The following PYM1 variants were observed in gnomAD, a reference collection of about 807,000 sequenced individuals.
The protein encoded by PYM1 is PYM1 exon junction complex associated factor, also known as partner of Y14 and mago.
Under a neutral mutation model 20.7 loss-of-function variants are expected in PYM1, and 7 were observed. The observed-to-expected ratio is 0.34, with a 90% CI of 0.19 to 0.64. The LOEUF (loss-of-function observed/expected upper bound fraction) is 0.64, where lower values mean the gene tolerates loss of function less well. Among genes scored for constraint, PYM1 ranks in the 30% least tolerant of loss-of-function variants. The probability of loss-of-function intolerance (pLI) is 0.74; values close to 1 mark genes in which losing one functional copy is unlikely to be tolerated. For missense variants in PYM1, 194 were observed against 250.0 expected, an observed-to-expected ratio of 0.78 and a Z score of 1.51; for synonymous variants, 100 against 99.2, an observed-to-expected ratio of 1.01 and a Z score of -0.05.
intron 1 of PYM1, among the ~76,000 whole-genome samples, chr12:55,919,744 C>CA (rs1883066682): frequency 6.6e-6 from 1 of 151,582 alleles, no homozygotes; most frequent in South Asian, 2.1e-4. Context: ...ACTAAAAATA[C>CA]AAAAAAATAG....
chr12:55,917,021 G>T (rs1883019614), intron 1 of PYM1, among the ~76,000 whole-genome samples: 1 of 151,956 alleles, frequency 6.6e-6, no homozygotes, highest in South Asian at 2.1e-4. Context: ...AGGATCACTT[G>T]AACCCAGGAG....
At chr12:55,906,751 T>C (rs6581087) in intron 1 of PYM1, among the ~76,000 whole-genome samples, 127,943 of 151,970 alleles carry the variant, frequency 0.84, 54,182 homozygotes, top group African/African-American at 0.93. Context: ...CAGATTCAAG[T>C]GATTCTCCTG....
At chr12:55,921,968 CCT>C (rs1253623935) in intron 1 of PYM1, among the ~76,000 whole-genome samples, 2 of 152,104 alleles carry the variant, frequency 1.3e-5, no homozygotes, top group Non-Finnish European at 2.9e-5. Context: ...CCTCAGCCTC[CCT>C]GGCTCAATCT....
At chr12:55,914,307 G>A (rs1882970560) in intron 1 of PYM1, 1 of 702,300 alleles carries the variant, frequency 1.4e-6, no homozygotes, top group East Asian at 2.7e-5. Context: ...CCATCCTCTG[G>A]CCTTGATGGT....
chr12:55,921,964 C>A (rs879424009), intron 1 of PYM1, among the ~76,000 whole-genome samples: 4 of 152,090 alleles, frequency 2.6e-5, no homozygotes, highest in Admixed American at 6.6e-5. Context: ...GCAGCCTCAG[C>A]CTCCCTGGCT....
Position 55,901,974 on chromosome 12 carries a change from G to C in PYM1, c.513C>G (p.Ile171Met), listed in dbSNP as rs747363540. ...TAGGCTGGCTGACTTCCCCAGCCTG[G>C]ATCCGCTGCTGCAGCTCTTCCACCT... ...LRQVEELQQR[I>M]QAGEVSQPSK... is the part of the protein sequence containing the mutation. Residue 171 changes from isoleucine to methionine, a missense_variant, in exon 3 of 3, where the codon ATC becomes ATG. Coordinates refer to ENST00000408946, the MANE Select transcript of PYM1 (RefSeq NM_032345.3). The C allele has an allele frequency of 4.3e-6, 7 of 1,614,056 alleles. No homozygotes were observed. In the South Asian group the frequency reaches 4.4e-5, roughly 10 times the overall value.
At chr12:55,921,851 A>G (rs1183717340) in intron 1 of PYM1, among the ~76,000 whole-genome samples, 1 of 152,178 alleles carries the variant, frequency 6.6e-6, no homozygotes. Flanking sequence ...GAAAAGAAAA[A>G]AATCTCCTGG....
At chr12:55,912,298 A>G (rs1420979935) in intron 1 of PYM1, among the ~76,000 whole-genome samples, 1 of 151,480 alleles carries the variant, frequency 6.6e-6, no homozygotes, top group Non-Finnish European at 1.5e-5. Context: ...GTTGCAGTGA[A>G]CCGAGATCAC....
chr12:55,911,312 ATGT>A (rs1882918622), intron 1 of PYM1, among the ~76,000 whole-genome samples: 1 of 151,594 alleles, frequency 6.6e-6, no homozygotes, highest in Non-Finnish European at 1.5e-5. Flanking sequence ...GGGTTTTGCC[ATGT>A]TGGCCAAGCT....
intron 1 of PYM1, among the ~76,000 whole-genome samples, chr12:55,921,369 T>C (rs953503532): frequency 1.3e-5 from 2 of 152,104 alleles, no homozygotes; most frequent in African/African-American, 4.8e-5. Context: ...AAGACTTAGA[T>C]TCCCAAGGCT....
chr12:55,925,986 C>A (rs774756248), intron 1 of PYM1, among the ~76,000 whole-genome samples: 1 of 152,130 alleles, frequency 6.6e-6, no homozygotes, highest in Non-Finnish European at 1.5e-5. Flanking sequence ...GGGTTGTCAT[C>A]AGATACCATA....
intron 1 of PYM1, among the ~76,000 whole-genome samples, chr12:55,919,342 C>T (rs550748421): frequency 3.3e-5 from 5 of 151,978 alleles, no homozygotes; most frequent in South Asian, 4.2e-4. Flanking sequence ...TTAGTAGAGA[C>T]GAGGTTTTGC....
intron 1 of PYM1, among the ~76,000 whole-genome samples, chr12:55,925,741 C>T (rs1026361859): frequency 1.3e-5 from 2 of 152,160 alleles, no homozygotes; most frequent in East Asian, 3.9e-4. Context: ...CACATAGTCA[C>T]GGAAAACAGA....
chr12:55,916,059 G>A (rs1191603967), intron 1 of PYM1, among the ~76,000 whole-genome samples: 1 of 152,232 alleles, frequency 6.6e-6, no homozygotes, highest in Non-Finnish European at 1.5e-5. Flanking sequence ...TCAAGTCTTG[G>A]TGCGGTGGCT....
At chr12:55,905,328 G>A (rs905177797) in intron 1 of PYM1, among the ~76,000 whole-genome samples, 4 of 151,684 alleles carry the variant, frequency 2.6e-5, no homozygotes, top group Admixed American at 1.3e-4. Flanking sequence ...ATATTTAAAA[G>A]AGATCATATT....
intron 1 of PYM1, among the ~76,000 whole-genome samples, 188 bp from the exon 2 acceptor site, chr12:55,903,668 G>A (rs912611362): frequency 6.6e-5 from 10 of 151,852 alleles, no homozygotes; most frequent in African/African-American, 1.2e-4. Context: ...CCAATACACC[G>A]TACAAGAAAC....
chr12:55,904,613 A>G (rs942615579), intron 1 of PYM1, among the ~76,000 whole-genome samples: 22 of 148,952 alleles, frequency 1.5e-4, no homozygotes, highest in South Asian at 2.1e-4. Flanking sequence ...AAAAAAAAAA[A>G]AAAAAAGAAA....
rs545956588 is a variant in PYM1, at chr12:55,905,252, G to A, written c.38-1772C>T. Among the ~76,000 whole-genome samples, 178 of 149,796 alleles carry A rather than the reference G, an allele frequency of 1.2e-3. 1 individual carries two copies. Among genetic ancestry groups the A allele is most frequent in the African/African-American group, 2.5e-3 (103 of 40,792 alleles). On this transcript the variant is annotated intron_variant, in intron 1 of 2. Transcript: ENST00000408946. ...TCTCAATCTCCTGACCTCATTATCC[G>A]CCTGCCTCAGCCTCCCAAAGTGCTG...
chr12:55,927,495 C>T (rs985569522), intron 1 of PYM1: 2 of 692,026 alleles, frequency 2.9e-6, no homozygotes, highest in Non-Finnish European at 5.0e-6. Flanking sequence ...GAAGAATATC[C>T]AGGCTCTGGC....
Sources: gnomAD v4.1 joint callset for allele counts (sites outside exome capture counted in the v4.1 genomes callset) on GRCh38, gnomAD v4.1.1 for gene constraint, MANE v1.5 for transcripts, NCBI Gene and HGNC (gene_info 2026-07-23, HGNC 2026-07-21) for gene names.